The following SLC16A3 variants were observed in gnomAD, a reference collection of about 807,000 sequenced individuals.
SLC16A3 encodes monocarboxylate transporter 4.
In SLC16A3, 22 loss-of-function variants were observed where a neutral mutation model predicts 25.0. The ratio of observed to expected loss-of-function variants is 0.88; its 90% confidence interval spans 0.63 to 1.26. The LOEUF (loss-of-function observed/expected upper bound fraction) is 1.26, where lower values mean the gene tolerates loss of function less well. SLC16A3 is among the 50% of genes most tolerant of loss of function. The probability of loss-of-function intolerance (pLI) is 0.00; values close to 1 mark genes in which losing one functional copy is unlikely to be tolerated. For synonymous variants in SLC16A3, 390 were observed against 309.2 expected (o/e 1.26, Z -2.74); for missense variants, 731 against 666.6 (o/e 1.10, Z -1.06).
In SLC16A3 at chr17:82,237,351, C is replaced by A; in HGVS notation, c.581C>A (p.Ala194Asp). 2 of 1,538,884 alleles carry A rather than the reference C, an allele frequency of 1.3e-6. No homozygotes were observed. Among genetic ancestry groups the A allele is most frequent in the South Asian group, 1.2e-5 (1 of 82,898 alleles). The part of the protein sequence containing the change: ...GGLLLNCCVC[A>D]ALMRPLVVTA... ...CTGCTGCTCAACTGCTGCGTGTGTGCCGCACTCATGAGGCCCCTGGTGGTC... is the reference window on the plus strand; with the variant it reads ...CTGCTGCTCAACTGCTGCGTGTGTGACGCACTCATGAGGCCCCTGGTGGTC... Residue 194 changes from alanine (A) to aspartate (D), a missense_variant, in exon 4 of 5, where the codon GCC becomes GAC. Transcript: ENST00000582743.
chr17:82,239,775 C>T lies in SLC16A3; in HGVS notation c.*799C>T. 1.0e-5 allele frequency: 4 copies of T among 395,482 alleles called. No homozygotes were observed. The highest frequency in any genetic ancestry group is 1.8e-5 in the Non-Finnish European group (4 of 224,710). The allele number at this position is 395,482 out of a possible 1,614,324, so 24.5% of individuals were successfully genotyped here. The stretch of plus-strand genomic sequence containing the variant: ...ACTGCTGTGTTTAAGAAACAGGACC[C>T]TCCTGCCTTCCCTTTTTCGCCCCTC... On this transcript the variant is annotated 3_prime_UTR_variant, in exon 5 of 5. Transcript: ENST00000582743.
At chr17:82,225,187 G>A (rs2050414373), upstream of SLC16A3, among the ~76,000 whole-genome samples, 1 of 152,174 alleles carries the variant, frequency 6.6e-6, no homozygotes, top group Admixed American at 6.5e-5. Flanking sequence ...GCTTGAACTT[G>A]GGAGGCAGAG....
At chr17:82,226,024 T>A (rs888278468), upstream of SLC16A3, among the ~76,000 whole-genome samples, 2 of 147,192 alleles carry the variant, frequency 1.4e-5, no homozygotes, top group Non-Finnish European at 3.0e-5. Context: ...CCCACAAAGG[T>A]TGCTCTTGGA....
At position 82,239,777 on chromosome 17, in the gene SLC16A3, C is replaced by A. The variant is rs1407248382; in HGVS notation, c.*801C>A. The stretch of plus-strand genomic sequence containing the variant: ...TGCTGTGTTTAAGAAACAGGACCCT[C>A]CTGCCTTCCCTTTTTCGCCCCTCTG... On this transcript the variant is annotated 3_prime_UTR_variant, in exon 5 of 5. Transcript: ENST00000582743. 1 of 395,780 alleles carries A rather than the reference C, an allele frequency of 2.5e-6. No homozygotes were observed. The highest frequency in any genetic ancestry group is 4.4e-6 in the Non-Finnish European group (1 of 224,918). The allele number at this position is 395,780 out of a possible 1,614,324, so 24.5% of individuals were successfully genotyped here.
rs200827079 is a variant in SLC16A3, at chr17:82,237,688, C to T, written c.918C>T (p.Gly306=). The change falls in exon 4 of 5, where the codon GGC becomes GGT. Residue 306 remains glycine, a synonymous_variant. Coordinates refer to ENST00000582743, the MANE Select transcript of SLC16A3 (RefSeq NM_004207.4). ...YLFSFSMFFN[G]LADLAGSTAG... The stretch of plus-strand genomic sequence containing the variant: ...TCAGCTTCTCCATGTTCTTCAACGG[C>T]CTCGCGGACCTGGCGGGTTCTACGG... 1.1e-4 allele frequency: 175 copies of T among 1,612,722 alleles called. No individual in the cohort carries two copies. Among genetic ancestry groups the T allele is most frequent in the Non-Finnish European group, 6.9e-5 (81 of 1,179,802 alleles).
intron 2 of SLC16A3, 156 bp from the exon 3 acceptor site, chr17:82,236,573 T>A (rs754135222): frequency 7.6e-5 from 83 of 1,089,038 alleles, no homozygotes; most frequent in Non-Finnish European, 1.0e-4. Context: ...CATCATGGCC[T>A]GCGCTCGGGG....
intron 1 of SLC16A3, chr17:82,231,944 C>T (rs1353928566): frequency 1.3e-5 from 2 of 152,376 alleles, no homozygotes; most frequent in Non-Finnish European, 1.5e-5. Context: ...TCGGCCCCGA[C>T]ACCTTTGCAG....
At chr17:82,221,947 G>A (rs557500694) in intron 1 of SLC16A3, among the ~76,000 whole-genome samples, 34 of 152,350 alleles carry the variant, frequency 2.2e-4, no homozygotes, top group Admixed American at 6.5e-4. Context: ...TGGAACCCTT[G>A]AACACCCTGC....
upstream of SLC16A3, among the ~76,000 whole-genome samples, chr17:82,227,504 G>A (rs113941979): frequency 8.0e-3 from 1,209 of 152,018 alleles, 22 homozygotes; most frequent in African/African-American, 0.026. Context: ...AGCTGTCCAC[G>A]GTGCCTCGCA....
chr17:82,229,054 CAGAGGCGGCGAGAGGCGGCG>C lies in SLC16A3; in HGVS notation c.-70_-51del, dbSNP rs370763795. 1 of 148,150 alleles carries C rather than the reference CAGAGGCGGCGAGAGGCGGCG, an allele frequency of 6.7e-6. No individual in the cohort carries two copies. Among genetic ancestry groups the C allele is most frequent in the Non-Finnish European group, 1.5e-5 (1 of 66,158 alleles). 9.2% of individuals were successfully genotyped at this position (148,150 alleles called of 1,614,324 possible). A position where few individuals can be genotyped will look rare whatever the true frequency, so the allele number is the denominator to read the frequency against. Reference sequence around the variant, plus strand: ...CGCGGAGCGGACCGGCAGAGGCGGGCAGAGGCGGCGAGAGGCGGCGAGAGGCGGGCTGAGGCGGCCCAGCG... The same window carrying C: ...CGCGGAGCGGACCGGCAGAGGCGGGCAGAGGCGGGCTGAGGCGGCCCAGCG... On this transcript the variant is annotated 5_prime_UTR_variant, in exon 1 of 5. Coordinates refer to ENST00000582743, the MANE Select transcript of SLC16A3 (RefSeq NM_004207.4).
In SLC16A3 at chr17:82,236,023, G is replaced by A; in HGVS notation, c.15G>A (p.Val5=). The change falls in exon 2 of 5, where the codon GTG becomes GTA. Residue 5 remains valine, a synonymous_variant. Coordinates refer to ENST00000582743, the MANE Select transcript of SLC16A3 (RefSeq NM_004207.4). MGGA[V]VDEGPTGVKA... is the part of the protein sequence containing the mutation. ...CCCTCCTGGCCATGGGAGGGGCCGT[G>A]GTGGACGAGGGCCCCACAGGCGTCA... is the stretch of plus-strand genomic sequence containing the variant. 1.2e-6 allele frequency: 2 copies of A among 1,611,864 alleles called. No homozygotes were observed. Among genetic ancestry groups the A allele is most frequent in the Non-Finnish European group, 1.7e-6 (2 of 1,179,654 alleles).
intron 1 of SLC16A3, chr17:82,231,214 C>G (rs1309016313): frequency 6.6e-6 from 1 of 152,182 alleles, no homozygotes; most frequent in Admixed American, 6.5e-5. Context: ...GCCTCGACCA[C>G]CCGCGCCGAC....
upstream of SLC16A3, among the ~76,000 whole-genome samples, chr17:82,223,591 A>G (rs1568529827): frequency 6.6e-6 from 1 of 151,722 alleles, no homozygotes; most frequent in South Asian, 2.1e-4. Context: ...TGCAGCCTCC[A>G]CCTCCTGGGT....
chr17:82,223,123 CT>C (rs1168123661), intron 1 of SLC16A3, among the ~76,000 whole-genome samples: 7 of 152,308 alleles, frequency 4.6e-5, no homozygotes, highest in African/African-American at 1.7e-4. Context: ...TCCAGTGCTG[CT>C]GAGCTGCCCT....
chr17:82,219,808 G>A (rs2050378152), intron 1 of SLC16A3, among the ~76,000 whole-genome samples: 1 of 152,122 alleles, frequency 6.6e-6, no homozygotes, highest in Non-Finnish European at 1.5e-5. Context: ...CCAGCCTTGA[G>A]TTCCAGTCTT....
upstream of SLC16A3, among the ~76,000 whole-genome samples, chr17:82,225,264 A>T (rs1013815839): frequency 8.5e-5 from 13 of 152,182 alleles, no homozygotes; most frequent in Non-Finnish European, 1.9e-4. Flanking sequence ...CTGTCAAAAA[A>T]AAATAATAAT....
chr17:82,236,544 G>A (rs2147129164), intron 2 of SLC16A3, 185 bp from the exon 3 acceptor site: 1 of 785,086 alleles, frequency 1.3e-6, no homozygotes, highest in Non-Finnish European at 2.0e-6. Flanking sequence ...AAGGGGCCCA[G>A]CAGGCGGCGC....
chr17:82,237,568 G>A lies in SLC16A3; in HGVS notation c.798G>A (p.Leu266=), dbSNP rs1315763669. 3 of 1,611,580 alleles carry A rather than the reference G, an allele frequency of 1.9e-6. No homozygotes were observed. The highest frequency in any genetic ancestry group is 1.3e-5 in the African/African-American group (1 of 74,996). Reference sequence around the variant, plus strand: ...TGCCCGACACCAAGGCCGCCTTCCTGCTCACCATCCTGGGCTTCATTGACA... The same window carrying A: ...TGCCCGACACCAAGGCCGCCTTCCTACTCACCATCCTGGGCTTCATTGACA... ...LGVPDTKAAF[L]LTILGFIDIF... is the part of the protein sequence containing the mutation. Residue 266 remains leucine (L), a synonymous_variant, in exon 4 of 5, where the codon CTG becomes CTA. Coordinates refer to ENST00000582743, the MANE Select transcript of SLC16A3 (RefSeq NM_004207.4).
chr17:82,231,893 G>C (rs1160012765), intron 1 of SLC16A3: 1 of 152,302 alleles, frequency 6.6e-6, no homozygotes, highest in Non-Finnish European at 1.5e-5. Flanking sequence ...CAGGGCCCAG[G>C]CCTGGGGCAG....
Sources: allele counts gnomAD v4.1 joint callset (sites outside exome capture counted in the v4.1 genomes callset), GRCh38; gene constraint gnomAD v4.1.1; transcripts MANE v1.5; gene names NCBI Gene and HGNC (gene_info 2026-07-23, HGNC 2026-07-21).